The following SYN2 variants were observed in gnomAD, a reference collection of about 807,000 sequenced individuals.
SYN2 encodes the protein synapsin-2.
SYN2 carries 19 observed loss-of-function variants against 50.9 expected under a neutral mutation model. The observed-to-expected ratio is 0.37, with a 90% CI of 0.26 to 0.55. The LOEUF is 0.55. SYN2 is among the 20% of genes least tolerant of loss of function. The pLI, the probability that SYN2 is intolerant of heterozygous loss-of-function variation, is 0.81. For synonymous variants in SYN2, 255 were observed against 224.9 expected, an observed-to-expected ratio of 1.13 and a Z score of -1.20; for missense variants, 587 against 576.4, an observed-to-expected ratio of 1.02 and a Z score of -0.19.
At chr3:12,057,287 C>CTGTCTGTCTG (rs71044259) in intron 1 of SYN2, among the ~76,000 whole-genome samples, 1 of 133,908 alleles carries the variant, frequency 7.5e-6, no homozygotes, top group Non-Finnish European at 1.6e-5. Context: ...GCAAGACTGT[C>CTGTCTGTCTG]TGTGTGTGTG....
chr3:12,127,134 GT>G (rs1229137907), intron 1 of SYN2, among the ~76,000 whole-genome samples: 2 of 152,184 alleles, frequency 1.3e-5, no homozygotes, highest in Non-Finnish European at 2.9e-5. Context: ...AACACTAGGG[GT>G]AAAAATGAAC....
At chr3:12,158,915 C>T (rs1002940566) in intron 5 of SYN2, 18 of 1,434,804 alleles carry the variant, frequency 1.3e-5, no homozygotes, top group African/African-American at 7.2e-5. Flanking sequence ...TTCCCAAGGC[C>T]GTTGTGCCCC....
intron 1 of SYN2, among the ~76,000 whole-genome samples, chr3:12,102,435 A>G (rs1186184641): frequency 6.6e-6 from 1 of 152,164 alleles, no homozygotes; most frequent in Non-Finnish European, 1.5e-5. Flanking sequence ...ATGTGGGTAA[A>G]TGGTGACAAT....
At chr3:12,125,736 A>G (rs1446562404) in intron 1 of SYN2, among the ~76,000 whole-genome samples, 1 of 152,076 alleles carries the variant, frequency 6.6e-6, no homozygotes, top group Non-Finnish European at 1.5e-5. Flanking sequence ...ATGGACATGG[A>G]CAAGAAAGAA....
At chr3:12,145,579 T>G in intron 3 of SYN2, 100 bp from the exon 4 acceptor site, 3 of 1,362,612 alleles carry the variant, frequency 2.2e-6, no homozygotes, top group Non-Finnish European at 3.0e-6. Context: ...AGGTGGTTCC[T>G]AAGCCCTCTT....
At chr3:12,098,141 G>GT (rs1695983102) in intron 1 of SYN2, among the ~76,000 whole-genome samples, 1 of 152,162 alleles carries the variant, frequency 6.6e-6, no homozygotes, top group Non-Finnish European at 1.5e-5. Flanking sequence ...CAAAAGAGAA[G>GT]TGAGTCATCA....
chr3:12,076,998 A>G (rs1695480471), intron 1 of SYN2, among the ~76,000 whole-genome samples: 1 of 152,152 alleles, frequency 6.6e-6, no homozygotes, highest in South Asian at 2.1e-4. Context: ...TCAATGGGAT[A>G]GAATTTGAGA....
intron 1 of SYN2, among the ~76,000 whole-genome samples, chr3:12,039,549 A>ATTTTTTTTTTTTTTTTTTTTTTT (rs60746238): frequency 8.5e-6 from 1 of 118,010 alleles, no homozygotes; most frequent in African/African-American, 3.2e-5. Flanking sequence ...AGAAGCAAAG[A>ATTTTTTTTTTTTTTTTTTTTTTT]TTTTTTTTTT....
chr3:12,180,572 C>G (rs1698198976), intron 10 of SYN2, among the ~76,000 whole-genome samples: 1 of 152,194 alleles, frequency 6.6e-6, no homozygotes, highest in African/African-American at 2.4e-5. Context: ...TAGGTGGAGC[C>G]AGGGTGTCTC....
chr3:12,131,269 C>A (rs1161598077), intron 1 of SYN2, among the ~76,000 whole-genome samples: 8 of 152,100 alleles, frequency 5.3e-5, no homozygotes, highest in Non-Finnish European at 1.2e-4. Flanking sequence ...AGGGTGAGAC[C>A]AAATCATGGA....
chr3:12,159,677 A>G (rs1167783910), intron 5 of SYN2, among the ~76,000 whole-genome samples: 2 of 152,194 alleles, frequency 1.3e-5, no homozygotes, highest in Non-Finnish European at 2.9e-5. Flanking sequence ...GCCCTAGACT[A>G]CATTGATTTT....
chr3:12,151,344 G>A lies in SYN2; in HGVS notation c.774+18G>A, dbSNP rs773977919. On this transcript the variant is annotated intron_variant, in intron 5 of 12. Transcript: ENST00000621198. ...AAGAGATGGTAAGTGGCTCAGTGGG[G>A]ACATTAGTCTTTCTGCTGTTTTCAT... 5.6e-5 allele frequency: 90 copies of A among 1,593,516 alleles called. No homozygotes were observed. Among genetic ancestry groups the A allele is most frequent in the Non-Finnish European group, 7.6e-5 (88 of 1,163,158 alleles).
chr3:12,090,442 T>G (rs770586035), intron 1 of SYN2, among the ~76,000 whole-genome samples: 23 of 152,144 alleles, frequency 1.5e-4, no homozygotes, highest in Non-Finnish European at 2.5e-4. Flanking sequence ...GTGGAAGGAA[T>G]GCTAAGCTGA....
intron 1 of SYN2, among the ~76,000 whole-genome samples, chr3:12,008,918 G>T (rs1004694908): frequency 1.3e-5 from 2 of 152,158 alleles, no homozygotes; most frequent in Non-Finnish European, 2.9e-5. Context: ...AGATTGATGC[G>T]TTATCTAGGC....
At position 12,167,236 on chromosome 3, in the gene SYN2, G is replaced by A. The variant is rs761050422; in HGVS notation, c.983G>A (p.Arg328Lys). ...KIGNNYKAYM[R>K]TSISGNWKTN... ...ATCCTGGTGGGATCTTGTTGCAGGA[G>A]GACATCGATCTCAGGGAACTGGAAG... is the stretch of plus-strand genomic sequence containing the variant. The change falls in exon 8 of 13, where the codon AGG (arginine) becomes AAG (lysine). Residue 328 changes from arginine (R) to lysine (K), a missense_variant and splice_region_variant. Physicochemically the swap from Arg to Lys is conservative, Grantham distance 26. Transcript: ENST00000621198. The A allele has an allele frequency of 3.7e-6, 6 of 1,612,590 alleles. No homozygotes were observed. The Admixed American group carries it at 5.0e-5, about 13-fold the overall frequency.
chr3:12,165,880 G>C (rs17035974), intron 7 of SYN2, among the ~76,000 whole-genome samples: 5,158 of 151,636 alleles, frequency 0.034, 274 homozygotes, highest in African/African-American at 0.12. Flanking sequence ...GTAGGGAAAA[G>C]CACATCATGT....
intron 12 of SYN2, among the ~76,000 whole-genome samples, chr3:12,188,583 G>A (rs1166696310): frequency 6.7e-6 from 1 of 149,524 alleles, no homozygotes; most frequent in Non-Finnish European, 1.5e-5. Flanking sequence ...TGTAGTCATT[G>A]CAGATGAGAA....
intron 1 of SYN2, among the ~76,000 whole-genome samples, chr3:12,069,274 G>A (rs374937991): frequency 3.5e-5 from 5 of 144,610 alleles, no homozygotes; most frequent in Admixed American, 1.4e-4. Context: ...ACGGAGTCTC[G>A]CCCTTGCCCT....
At chr3:12,134,208 A>G (rs939389227) in intron 1 of SYN2, among the ~76,000 whole-genome samples, 15 of 152,240 alleles carry the variant, frequency 9.9e-5, no homozygotes, top group African/African-American at 3.6e-4. Flanking sequence ...AAAATACTCA[A>G]ACCGTAGTCT....
Sources: gnomAD v4.1 joint callset for allele counts (sites outside exome capture counted in the v4.1 genomes callset) on GRCh38, gnomAD v4.1.1 for gene constraint, MANE v1.5 for transcripts, NCBI Gene and HGNC (gene_info 2026-07-23, HGNC 2026-07-21) for gene names.